ACTN2: variants seen among roughly 807,000 people sequenced by gnomAD.
ACTN2 encodes the protein actinin alpha 2.
A neutral mutation model predicts 113.8 loss-of-function variants in ACTN2; 39 were observed. The ratio of observed to expected loss-of-function variants is 0.34; its 90% CI spans 0.27 to 0.45. ACTN2 has a LOEUF of 0.45. Ranked by LOEUF, ACTN2 falls within the 20% of genes least tolerant of loss-of-function variation. The probability of loss-of-function intolerance (pLI) is 1.00; values close to 1 mark genes in which losing one functional copy is unlikely to be tolerated. For synonymous variants in ACTN2, 429 were observed against 444.1 expected (o/e 0.97, Z 0.43); for missense variants, 992 against 1,177.9 (o/e 0.84, Z 2.31).
intron 4 of ACTN2, among the ~76,000 whole-genome samples, chr1:236,724,691 A>G (rs977556085): frequency 2.0e-5 from 3 of 152,204 alleles, no homozygotes; most frequent in African/African-American, 7.2e-5. Flanking sequence ...GCTCTGGGGA[A>G]TGTGGCCTCA....
chr1:236,711,354 A>G (rs1017674959), intron 1 of ACTN2, among the ~76,000 whole-genome samples: 1 of 151,846 alleles, frequency 6.6e-6, no homozygotes, highest in Non-Finnish European at 1.5e-5. Flanking sequence ...ATGTCTTTTT[A>G]TTTTTTATTT....
At position 236,743,044 on chromosome 1, in the gene ACTN2, G is replaced by A; in HGVS notation, c.1255+1G>A. 1 of 1,614,126 alleles carries A rather than the reference G, an allele frequency of 6.2e-7. No individual in the cohort carries two copies. On this transcript the variant is annotated splice_donor_variant, in intron 11 of 20. Coordinates refer to ENST00000366578, the MANE Select transcript of ACTN2 (RefSeq NM_001103.4). LOFTEE classifies it high-confidence loss of function. ...TCAACGCACGAGACTTGGGCTTATGGTAAGTAGACAGGAGTCAGATTGGAT... is the reference window on the plus strand; with the variant it reads ...TCAACGCACGAGACTTGGGCTTATGATAAGTAGACAGGAGTCAGATTGGAT...
At chr1:236,746,777 G>A (rs552458744) in intron 12 of ACTN2, among the ~76,000 whole-genome samples, 2 of 152,228 alleles carry the variant, frequency 1.3e-5, no homozygotes, top group South Asian at 2.1e-4. Flanking sequence ...GATGGATCTG[G>A]CAAGGAAAAG....
At chr1:236,748,980 A>T in intron 13 of ACTN2, 144 bp from the exon 14 acceptor site, 1 of 950,678 alleles carries the variant, frequency 1.1e-6, no homozygotes, top group Non-Finnish European at 1.6e-6. Flanking sequence ...TAATTGTTTG[A>T]GCATCGGGTA....
Position 236,744,743 on chromosome 1 carries a change from T to G in ACTN2, c.1373T>G (p.Val458Gly). ...GACCTGGCAGCGCACCAGGACCGCG[T>G]GGAGCAGATCGCAGCCATCGCGCAG... ...ESDLAAHQDR[V>G]EQIAAIAQEL... Residue 458 changes from valine (V) to glycine (G), a missense_variant, in exon 12 of 21, where the codon GTG (valine) becomes GGG (glycine). Physicochemically the swap from Val to Gly is moderately radical, Grantham distance 109 (BLOSUM62 -3). Transcript: ENST00000366578. 1.9e-6 allele frequency: 3 copies of G among 1,614,132 alleles called. No homozygotes were observed. The highest frequency in any genetic ancestry group is 2.5e-6 in the Non-Finnish European group (3 of 1,180,020).
chr1:236,692,421 C>G (rs949455463), intron 1 of ACTN2, among the ~76,000 whole-genome samples: 1 of 152,138 alleles, frequency 6.6e-6, no homozygotes, highest in Admixed American at 6.5e-5. Flanking sequence ...CAGGATGTGT[C>G]ATTATTCTGT....
At position 236,715,880 on chromosome 1, in the gene ACTN2, C is replaced by T. The variant is rs113026655; in HGVS notation, c.127-1978C>T. Among the ~76,000 whole-genome samples the T allele has an allele frequency of 2.5e-3, 385 of 152,186 alleles. 1 individual carries two copies. Among genetic ancestry groups the T allele is most frequent in the African/African-American group, 8.5e-3 (352 of 41,532 alleles). ...TTGAGGCGGGAGAATCACTTGAACTCGGGAGGCGGAGATTGCGGTGAGCTG... is the reference window on the plus strand; with the variant it reads ...TTGAGGCGGGAGAATCACTTGAACTTGGGAGGCGGAGATTGCGGTGAGCTG... On this transcript the variant is annotated intron_variant, in intron 1 of 20. Coordinates refer to ENST00000366578, the MANE Select transcript of ACTN2 (RefSeq NM_001103.4).
In ACTN2 at chr1:236,729,581, C is replaced by T. The variant is rs141256895; in HGVS notation, c.616-1652C>T. The stretch of plus-strand genomic sequence containing the variant: ...ACCTTTTTAGTTATCCCTTGCTTAC[C>T]TCCTGCCCCCAGCCTGCCTCCATGG... On this transcript the variant is annotated intron_variant, in intron 6 of 20. Coordinates refer to ENST00000366578, the MANE Select transcript of ACTN2 (RefSeq NM_001103.4). Among the ~76,000 whole-genome samples the T allele has an allele frequency of 7.2e-5, 11 of 152,284 alleles. No homozygotes were observed. The East Asian group carries it at 2.1e-3, about 29-fold the overall frequency.
intron 7 of ACTN2, chr1:236,734,464 A>G (rs1447558795): frequency 6.5e-7 from 1 of 1,535,810 alleles, no homozygotes; most frequent in Non-Finnish European, 8.7e-7. Context: ...CCGATGAAAG[A>G]GCCATAATGA....
intron 4 of ACTN2, among the ~76,000 whole-genome samples, chr1:236,724,795 G>A (rs1035564001): frequency 9.9e-5 from 15 of 151,618 alleles, no homozygotes; most frequent in Non-Finnish European, 1.5e-4. Context: ...GGACGTCTGA[G>A]CGGCACATTT....
chr1:236,689,176 GGAAGAGTGTGTTACACA>G (rs1665979757), intron 1 of ACTN2, among the ~76,000 whole-genome samples: 1 of 151,872 alleles, frequency 6.6e-6, no homozygotes, highest in African/African-American at 2.4e-5. Flanking sequence ...GAGTGTGTTA[GGAAGAGTGTGTTACACA>G]GAAGAGTGTG....
chr1:236,721,022 G>GTTTTTTTTTTTTTTTTTTTTTTTTTTT (rs869077774), intron 4 of ACTN2, among the ~76,000 whole-genome samples: 1 of 66,498 alleles, frequency 1.5e-5, no homozygotes, highest in African/African-American at 6.2e-5. Context: ...TTTGTTTTTT[G>GTTTTTTTTTTTTTTTTTTTTTTTTTTT]TTTTTTTTTT....
chr1:236,764,623 A>AAGAAAAAAGAATCCCTATT (rs1296227028), exon 21 of ACTN2: 1 of 152,244 alleles, frequency 6.6e-6, no homozygotes, highest in Non-Finnish European at 1.5e-5. Context: ...TAATTTATAA[A>AAGAAAAAAGAATCCCTATT]AGAAAAAAGA....
chr1:236,726,191 T>C (rs889982383), intron 5 of ACTN2, among the ~76,000 whole-genome samples, 171 bp downstream of exon 5: 3 of 152,204 alleles, frequency 2.0e-5, no homozygotes, highest in South Asian at 2.1e-4. Flanking sequence ...GAGGAAAACA[T>C]TGGATTAAGC....
chr1:236,692,816 A>G (rs757298147), intron 1 of ACTN2, among the ~76,000 whole-genome samples: 7 of 152,126 alleles, frequency 4.6e-5, no homozygotes, highest in Non-Finnish European at 8.8e-5. Context: ...GAGGAGGAAT[A>G]TAACTCTTAG....
At chr1:236,747,880 C>A (rs1572140308) in intron 13 of ACTN2, 105 bp downstream of exon 13, 1 of 938,752 alleles carries the variant, frequency 1.1e-6, no homozygotes, top group Non-Finnish European at 1.7e-6. Flanking sequence ...AAACAGGTTG[C>A]CTAGTGAAAG....
intron 12 of ACTN2, among the ~76,000 whole-genome samples, chr1:236,745,231 G>A (rs1005546583): frequency 2.6e-5 from 4 of 151,796 alleles, no homozygotes; most frequent in Non-Finnish European, 5.9e-5. Context: ...TCAGGAGATC[G>A]AGACCATCCT....
chr1:236,713,244 T>A (rs78247505), intron 1 of ACTN2, among the ~76,000 whole-genome samples: 1 of 151,906 alleles, frequency 6.6e-6, no homozygotes, highest in Non-Finnish European at 1.5e-5. Context: ...TTTTTTCTTT[T>A]GAGACGGAGT....
intron 20 of ACTN2, among the ~76,000 whole-genome samples, chr1:236,761,438 T>C (rs879843052): frequency 0.021 from 931 of 44,702 alleles, no homozygotes; most frequent in Non-Finnish European, 0.072. Flanking sequence ...CTTGCGTGTG[T>C]GTGTGTGTGT....
Sources: gnomAD v4.1 joint callset for allele counts (sites outside exome capture counted in the v4.1 genomes callset) on GRCh38, gnomAD v4.1.1 for gene constraint, MANE v1.5 for transcripts, NCBI Gene and HGNC (gene_info 2026-07-23, HGNC 2026-07-21) for gene names.